The following RUVBL1 variants were observed in gnomAD, a reference collection of about 807,000 sequenced individuals.
RUVBL1 encodes the protein RuvB like AAA ATPase 1.
In RUVBL1, 4 loss-of-function variants were observed where a neutral mutation model predicts 52.4. The ratio of observed to expected loss-of-function variants is 0.08; its 90% confidence interval spans 0.04 to 0.17. RUVBL1 has a LOEUF of 0.17. Ranked by LOEUF, RUVBL1 falls within the 10% of genes least tolerant of loss-of-function variation. RUVBL1 has a pLI of 1.00. For missense variants in RUVBL1, 298 were observed against 572.8 expected, an observed-to-expected ratio of 0.52 and a Z score of 4.90; for synonymous variants, 217 against 214.4, an observed-to-expected ratio of 1.01 and a Z score of -0.10.
chr3:128,087,894 C>T, intron 8 of RUVBL1, 86 bp from the exon 9 acceptor site: 1 of 947,810 alleles, frequency 1.1e-6, no homozygotes, highest in Non-Finnish European at 1.7e-6. Flanking sequence ...ACTCACACCA[C>T]AAGCAGCTGG....
At chr3:128,114,498 G>A (rs1055163830) in intron 2 of RUVBL1, among the ~76,000 whole-genome samples, 6 of 152,148 alleles carry the variant, frequency 3.9e-5, no homozygotes, top group African/African-American at 1.4e-4. Context: ...TTCCTCATCT[G>A]TCAAATGAAA....
At chr3:128,135,392 G>C (rs560667663) in intron 1 of RUVBL1, among the ~76,000 whole-genome samples, 1 of 152,304 alleles carries the variant, frequency 6.6e-6, no homozygotes, top group South Asian at 2.1e-4. Flanking sequence ...AATTAGCCAG[G>C]TGTGGCGGCA....
Position 128,097,344 on chromosome 3 carries a change from A to T in RUVBL1, c.972T>A (p.Ala324=). 6.2e-7 allele frequency: 1 copy of T among 1,614,154 alleles called. No individual in the cohort carries two copies. The highest frequency in any genetic ancestry group is 8.5e-7 in the Non-Finnish European group (1 of 1,180,022). Residue 324 remains alanine, a synonymous_variant, in exon 8 of 11, where the codon GCT becomes GCA. Transcript: ENST00000322623. ...GGTTGGATGCAAAGATGACGATGGGAGCGATAGAAGACTCCAGGGCGCGGT... is the reference window on the plus strand; with the variant it reads ...GGTTGGATGCAAAGATGACGATGGGTGCGATAGAAGACTCCAGGGCGCGGT... ...YLHRALESSI[A]PIVIFASNRG... is the part of the protein sequence containing the mutation.
intron 1 of RUVBL1, chr3:128,153,073 G>T: frequency 3.3e-6 from 1 of 306,164 alleles, no homozygotes; most frequent in Non-Finnish European, 4.6e-6. Flanking sequence ...CCCTGTGATT[G>T]GCTTCTTTTA....
intron 8 of RUVBL1, among the ~76,000 whole-genome samples, chr3:128,096,348 G>A (rs1267507099): frequency 6.6e-6 from 1 of 152,198 alleles, no homozygotes; most frequent in African/African-American, 2.4e-5. Flanking sequence ...GTGCTTAGGA[G>A]AAAAAGCAAC....
At chr3:128,152,941 C>T (rs1258726381) in intron 1 of RUVBL1, among the ~76,000 whole-genome samples, 1 of 51,028 alleles carries the variant, frequency 2.0e-5, no homozygotes, top group Non-Finnish European at 3.8e-5. Flanking sequence ...CGCCCTCCCC[C>T]CCGCCCCCGT....
intron 1 of RUVBL1, among the ~76,000 whole-genome samples, chr3:128,120,308 T>C (rs1331609848): frequency 1.3e-5 from 2 of 152,246 alleles, no homozygotes; most frequent in African/African-American, 4.8e-5. Context: ...AATGTGAAGT[T>C]AAACCTATGG....
chr3:128,091,014 T>C lies in RUVBL1; in HGVS notation c.1017-3206A>G, dbSNP rs183844800. On this transcript the variant is annotated intron_variant, in intron 8 of 10. Transcript: ENST00000322623. ...AGAAATGCATTAATAACATTTCTTA[T>C]AGTTTTTAAAGTCTATTAAAAGGCT... Among the ~76,000 whole-genome samples the C allele has an allele frequency of 2.9e-4, 44 of 152,386 alleles. 1 individual carries two copies. The East Asian group carries it at 3.7e-3, about 13-fold the overall frequency.
chr3:128,096,143 A>T (rs1164706203), intron 8 of RUVBL1, among the ~76,000 whole-genome samples: 3 of 151,564 alleles, frequency 2.0e-5, no homozygotes, highest in African/African-American at 7.3e-5. Flanking sequence ...TCCCCACACT[A>T]CTCTATTGCA....
chr3:128,087,605 A>T, intron 9 of RUVBL1, 101 bp downstream of exon 9: 2 of 832,534 alleles, frequency 2.4e-6, no homozygotes, highest in Non-Finnish European at 3.9e-6. Flanking sequence ...GAGATGGTGA[A>T]TGGCAGCCAG....
chr3:128,086,570 C>T (rs538344980), intron 9 of RUVBL1, among the ~76,000 whole-genome samples: 1 of 152,360 alleles, frequency 6.6e-6, no homozygotes, highest in Non-Finnish European at 1.5e-5. Context: ...GGAAAGAGCA[C>T]AGCACATGCT....
chr3:128,114,982 C>T (rs1233384235), intron 2 of RUVBL1, among the ~76,000 whole-genome samples: 1 of 151,458 alleles, frequency 6.6e-6, no homozygotes, highest in East Asian at 1.9e-4. Flanking sequence ...AACATACTTC[C>T]ATTAAAATAT....
chr3:128,098,862 G>C lies in RUVBL1; in HGVS notation c.817+20C>G, dbSNP rs1235500749. ...CCCTCCGCCCTGCCCCTTGCTCACA[G>C]GGCACACTGGTTCTCCTACCTGTGA... On this transcript the variant is annotated intron_variant, in intron 7 of 10. Coordinates refer to ENST00000322623, the MANE Select transcript of RUVBL1 (RefSeq NM_003707.3). 6.2e-7 allele frequency: 1 copy of C among 1,612,768 alleles called. No homozygotes were observed. Among genetic ancestry groups the C allele is most frequent in the South Asian group, 1.1e-5 (1 of 91,052 alleles).
rs191537712 is a variant in RUVBL1, at chr3:128,065,373, T to A, written c.940-153A>T. On this transcript the variant is annotated intron_variant, in intron 9 of 9. Coordinates refer to the RUVBL1 transcript ENST00000464873. Reference sequence around the variant, plus strand: ...GCTCTGAAACCTCATTGCTCTCTTATAGAAAGTTTGTATGATATTTATAGG... The same window carrying A: ...GCTCTGAAACCTCATTGCTCTCTTAAAGAAAGTTTGTATGATATTTATAGG... The A allele has an allele frequency of 2.3e-5, 13 of 567,846 alleles. No homozygotes were observed. The Admixed American group carries it at 4.6e-4, about 20-fold the overall frequency. The allele number at this position is 567,846 out of a possible 1,614,324, so 35.2% of individuals were successfully genotyped here.
At chr3:128,104,982 G>C in intron 3 of RUVBL1, 58 bp from the exon 4 acceptor site, 1 of 1,551,974 alleles carries the variant, frequency 6.4e-7, no homozygotes, top group Non-Finnish European at 8.8e-7. Context: ...CTCACACTGA[G>C]AGCCCAAAAC....
At chr3:128,079,206 G>A (rs975327824), downstream of RUVBL1, 1 of 152,398 alleles carries the variant, frequency 6.6e-6, no homozygotes, top group Non-Finnish European at 1.5e-5. Flanking sequence ...TCCTCTAGGT[G>A]GGTCACCTTC....
intron 1 of RUVBL1, among the ~76,000 whole-genome samples, chr3:128,122,401 T>C (rs1943670240): frequency 6.6e-6 from 1 of 152,244 alleles, no homozygotes; most frequent in Admixed American, 6.5e-5. Context: ...TTTCAACTTT[T>C]TTTGTGTCTG....
Position 128,143,821 on chromosome 3 carries a change from G to GC in RUVBL1, c.-40+9381dup, listed in dbSNP as rs1944065948. On this transcript the variant is annotated intron_variant, in intron 1 of 9. Transcript: ENST00000464873. ...ATCCCTGGAACTGAGACTGAGGTCAGCCCCCTCGAGACCTGGAAGAAAGGA... is the reference window on the plus strand; with the variant it reads ...ATCCCTGGAACTGAGACTGAGGTCAGCCCCCCTCGAGACCTGGAAGAAAGGA... Among the ~76,000 whole-genome samples, 3 of 152,142 alleles carry GC rather than the reference G, an allele frequency of 2.0e-5. No individual in the cohort carries two copies. The South Asian group carries it at 6.2e-4, about 32-fold the overall frequency.
intron 2 of RUVBL1, 113 bp from the exon 3 acceptor site, chr3:128,113,133 A>G (rs1396793945): frequency 8.3e-7 from 1 of 1,203,186 alleles, no homozygotes; most frequent in African/African-American, 1.5e-5. Context: ...TAGTCCTACC[A>G]TTTAGCATGT....
Sources: allele counts gnomAD v4.1 joint callset (sites outside exome capture counted in the v4.1 genomes callset), GRCh38; gene constraint gnomAD v4.1.1; transcripts MANE v1.5; gene names NCBI Gene and HGNC (gene_info 2026-07-23, HGNC 2026-07-21).